Variants in SMARCAD1 observed in about 807,000 individuals in gnomAD.
SMARCAD1 encodes the protein SWI/SNF-related matrix-associated actin-dependent regulator of chromatin subfamily A containing DEAD/H box 1.
In SMARCAD1, 25 loss-of-function variants were observed where a neutral mutation model predicts 127.1. That is an observed-to-expected ratio of 0.20 (90% CI 0.14 to 0.27). The LOEUF is 0.27. Among genes scored for constraint, SMARCAD1 ranks in the 10% least tolerant of loss-of-function variants. The pLI is 1.00. For synonymous variants in SMARCAD1, 400 were observed against 396.9 expected (o/e 1.01, Z -0.09); for missense variants, 807 against 1,206.0 (o/e 0.67, Z 4.90).
intron 2 of SMARCAD1, among the ~76,000 whole-genome samples, chr4:94,212,087 TGTC>T (rs1476624028): frequency 1.3e-5 from 2 of 152,236 alleles, no homozygotes; most frequent in Non-Finnish European, 2.9e-5. Context: ...ACGACTGGCT[TGTC>T]GTAGGCCCTC....
chr4:94,249,975 A>G (rs979307248), intron 7 of SMARCAD1, among the ~76,000 whole-genome samples: 2 of 151,936 alleles, frequency 1.3e-5, no homozygotes, highest in African/African-American at 4.8e-5. Flanking sequence ...CTAAGTCATT[A>G]AAAAATAACC....
Position 94,249,728 on chromosome 4 carries a change from A to G in SMARCAD1, c.780A>G (p.Gln260=), listed in dbSNP as rs1457025219. 2 of 1,607,198 alleles carry G rather than the reference A, an allele frequency of 1.2e-6. No homozygotes were observed. Among genetic ancestry groups the G allele is most frequent in the East Asian group, 4.5e-5 (2 of 44,686 alleles). ...AGGAAAGTATTGTACTGAAATTGCA[A>G]AAGGAATTTCCCAATTTTGATAAAC... is the stretch of plus-strand genomic sequence containing the variant. ...EKQESIVLKL[Q]KEFPNFDKQE... Residue 260 remains glutamine (Q), a synonymous_variant, in exon 7 of 24, where the codon CAA becomes CAG. Coordinates refer to ENST00000354268, the MANE Select transcript of SMARCAD1 (RefSeq NM_020159.5).
chr4:94,256,388 G>A (rs1481846523), intron 9 of SMARCAD1, among the ~76,000 whole-genome samples: 1 of 152,082 alleles, frequency 6.6e-6, no homozygotes, highest in African/African-American at 2.4e-5. Context: ...TTGAGACAGA[G>A]TTTCGCTCTT....
At chr4:94,214,488 C>T (rs1742833092) in intron 2 of SMARCAD1, among the ~76,000 whole-genome samples, 1 of 151,690 alleles carries the variant, frequency 6.6e-6, no homozygotes, top group Non-Finnish European at 1.5e-5. Context: ...AGGATGGTCT[C>T]AATCTCCTGA....
chr4:94,218,586 A>G (rs1446101108), intron 2 of SMARCAD1, among the ~76,000 whole-genome samples: 3 of 151,812 alleles, frequency 2.0e-5, no homozygotes, highest in Non-Finnish European at 4.4e-5. Context: ...AGACTCCTTT[A>G]TGTTTCACCC....
chr4:94,274,586 G>T, intron 12 of SMARCAD1, 152 bp from the exon 13 acceptor site: 1 of 735,950 alleles, frequency 1.4e-6, no homozygotes, highest in Non-Finnish European at 2.3e-6. Context: ...CAAAGTGTTG[G>T]GATTACAGGC....
chr4:94,283,769 G>A (rs557589842), intron 22 of SMARCAD1, among the ~76,000 whole-genome samples: 5 of 150,626 alleles, frequency 3.3e-5, no homozygotes, highest in Admixed American at 1.3e-4. Context: ...AGCTTGCAGT[G>A]AGCCGAGATC....
At chr4:94,265,423 A>T (rs770159607) in intron 10 of SMARCAD1, among the ~76,000 whole-genome samples, 10 of 151,920 alleles carry the variant, frequency 6.6e-5, no homozygotes, top group Non-Finnish European at 1.2e-4. Flanking sequence ...AAGGGAAAGG[A>T]CAGATACTTT....
intron 20 of SMARCAD1, 38 bp from the exon 21 acceptor site, chr4:94,281,434 A>T: frequency 7.0e-7 from 1 of 1,419,632 alleles, no homozygotes; most frequent in Non-Finnish European, 1.0e-6. Context: ...TAGTAAAACG[A>T]TTTTTTCTAT....
chr4:94,241,024 T>G lies in SMARCAD1; in HGVS notation c.705+18T>G. On this transcript the variant is annotated intron_variant, in intron 6 of 23. Transcript: ENST00000354268. ...TGGATCATGTAAGTTTACATTTGAA[T>G]TACAGTATCAAAATTGGCTGCTTAA... 8 of 1,575,016 alleles carry G rather than the reference T, an allele frequency of 5.1e-6. No homozygotes were observed. Among genetic ancestry groups the G allele is most frequent in the Non-Finnish European group, 5.2e-6 (6 of 1,146,408 alleles).
chr4:94,268,315 A>ATTT (rs1222090100), intron 10 of SMARCAD1, among the ~76,000 whole-genome samples: 1 of 152,140 alleles, frequency 6.6e-6, no homozygotes, highest in African/African-American at 2.4e-5. Flanking sequence ...TTGACAGTTA[A>ATTT]ATAGACTCTT....
At chr4:94,287,003 T>A (rs918645461) in intron 23 of SMARCAD1, among the ~76,000 whole-genome samples, 1 of 152,198 alleles carries the variant, frequency 6.6e-6, no homozygotes, top group Admixed American at 6.5e-5. Context: ...TAGCTGGGAC[T>A]ATAGGTGCCC....
At chr4:94,219,775 C>G (rs1420997819) in intron 2 of SMARCAD1, among the ~76,000 whole-genome samples, 1 of 152,164 alleles carries the variant, frequency 6.6e-6, no homozygotes, top group African/African-American at 2.4e-5. Flanking sequence ...TGTATTCTCT[C>G]ATTGCACAAA....
intron 14 of SMARCAD1, 131 bp downstream of exon 14, chr4:94,275,096 T>C (rs1560562028): frequency 1.6e-5 from 12 of 735,282 alleles, no homozygotes; most frequent in Non-Finnish European, 2.1e-5. Flanking sequence ...ATGACTAATG[T>C]TGAGGATTCA....
At chr4:94,222,143 C>T (rs925408123) in intron 2 of SMARCAD1, among the ~76,000 whole-genome samples, 5 of 152,116 alleles carry the variant, frequency 3.3e-5, no homozygotes, top group Non-Finnish European at 5.9e-5. Flanking sequence ...TTGCTGCATG[C>T]AAGAAGAGAT....
chr4:94,253,658 A>C (rs1749626351), intron 9 of SMARCAD1: 2 of 1,027,698 alleles, frequency 1.9e-6, no homozygotes, highest in South Asian at 7.2e-5. Context: ...GGTGAAGGGA[A>C]GGCATAAGCA....
chr4:94,218,425 T>C (rs1355883386), intron 2 of SMARCAD1, among the ~76,000 whole-genome samples: 2 of 152,032 alleles, frequency 1.3e-5, no homozygotes, highest in Admixed American at 6.6e-5. Context: ...CCTGAGTAGC[T>C]GGTACCACAG....
intron 2 of SMARCAD1, among the ~76,000 whole-genome samples, chr4:94,210,399 G>T (rs924916855): frequency 6.6e-6 from 1 of 152,224 alleles, no homozygotes; most frequent in Admixed American, 6.5e-5. Context: ...TACATTGTAA[G>T]TATTAGATAT....
rs1041452588 is a variant in SMARCAD1, at chr4:94,290,372, G to A, written c.*838G>A. On this transcript the variant is annotated 3_prime_UTR_variant, in exon 24 of 24. Coordinates refer to ENST00000354268, the MANE Select transcript of SMARCAD1 (RefSeq NM_020159.5). ...CAATTCTCTTCCTCTCTAAATAGTA[G>A]TTTATTACTGCCACATCTCCATGCA... 1.5e-5 allele frequency: 7 copies of A among 454,290 alleles called. No individual in the cohort carries two copies. The highest frequency in any genetic ancestry group is 1.4e-4 in the East Asian group (2 of 14,410). The allele number at this position is 454,290 out of a possible 1,614,324, so 28.1% of individuals were successfully genotyped here.
Sources: allele counts gnomAD v4.1 joint callset (sites outside exome capture counted in the v4.1 genomes callset), GRCh38; gene constraint gnomAD v4.1.1; transcripts MANE v1.5; gene names NCBI Gene and HGNC (gene_info 2026-07-23, HGNC 2026-07-21).